NFU1: variants seen among roughly 807,000 people sequenced by gnomAD.
The protein encoded by NFU1 is NFU1 iron-sulfur cluster scaffold homolog, mitochondrial.
Under a neutral mutation model 32.2 loss-of-function variants are expected in NFU1, and 30 were observed. That is an observed-to-expected ratio of 0.93 (90% CI 0.70 to 1.26). NFU1 has a LOEUF of 1.26. Among genes scored for constraint, NFU1 ranks in the 50% most tolerant of loss-of-function variants. NFU1 has a pLI of 0.00. For missense variants in NFU1, 306 were observed against 306.6 expected (o/e 1.00, Z 0.02); for synonymous variants, 112 against 104.6 (o/e 1.07, Z -0.43).
chr2:69,425,604 C>A (rs1400220037), intron 2 of NFU1, among the ~76,000 whole-genome samples: 1 of 152,158 alleles, frequency 6.6e-6, no homozygotes, highest in African/African-American at 2.4e-5. Flanking sequence ...ATCCACCCAC[C>A]TCAGCCTCCC....
intron 2 of NFU1, chr2:69,429,900 G>T: frequency 4.8e-6 from 1 of 207,382 alleles, no homozygotes; most frequent in African/African-American, 2.4e-5. Flanking sequence ...GTGTTGGTAC[G>T]CACCTGTAGT....
At chr2:69,404,706 G>A (rs1309951173) in intron 6 of NFU1, among the ~76,000 whole-genome samples, 5 of 134,728 alleles carry the variant, frequency 3.7e-5, no homozygotes, top group African/African-American at 8.5e-5. Context: ...TGCAACCTCC[G>A]CCTCCAGGGT....
At chr2:69,404,901 T>C (rs1272676165) in intron 6 of NFU1, among the ~76,000 whole-genome samples, 1 of 151,154 alleles carries the variant, frequency 6.6e-6, no homozygotes, top group Non-Finnish European at 1.5e-5. Context: ...ATTACAAGCG[T>C]GAGCCACCAC....
intron 7 of NFU1, among the ~76,000 whole-genome samples, chr2:69,399,894 C>T (rs539749800): frequency 1.8e-4 from 26 of 147,978 alleles, no homozygotes; most frequent in Non-Finnish European, 2.7e-4. Flanking sequence ...TTTTTTTTGA[C>T]GGAGTTTCGC....
intron 5 of NFU1, among the ~76,000 whole-genome samples, chr2:69,407,674 C>CAAAAAAAAAAA (rs200321994): frequency 9.7e-6 from 1 of 103,112 alleles, no homozygotes; most frequent in Non-Finnish European, 1.9e-5. Flanking sequence ...GACTCTATCT[C>CAAAAAAAAAAA]AAAAAAAAAA....
intron 5 of NFU1, among the ~76,000 whole-genome samples, chr2:69,412,380 A>T (rs982776142): frequency 1.3e-4 from 20 of 151,644 alleles, no homozygotes; most frequent in African/African-American, 4.3e-4. Context: ...TTTATTTTTT[A>T]AAATTTTCAT....
upstream of NFU1, chr2:69,437,702 T>C (rs1673906620): frequency 1.8e-6 from 1 of 560,050 alleles, no homozygotes; most frequent in Admixed American, 3.0e-5. Flanking sequence ...TTTTCCCTGT[T>C]GGCTAGGTTT....
intron 6 of NFU1, among the ~76,000 whole-genome samples, chr2:69,404,655 C>T (rs182723294): frequency 1.4e-4 from 6 of 43,174 alleles, no homozygotes; most frequent in Admixed American, 2.5e-4. Context: ...GAGTTTTGCT[C>T]GTCGCCCAGG....
intron 5 of NFU1, among the ~76,000 whole-genome samples, chr2:69,412,731 G>A (rs2104765130): frequency 6.6e-6 from 1 of 151,564 alleles, no homozygotes; most frequent in Admixed American, 6.6e-5. Context: ...GGTGGCAGGA[G>A]CCTATAATCC....
At chr2:69,400,592 G>GA in intron 6 of NFU1, 54 bp from the exon 7 acceptor site, 7 of 1,531,342 alleles carry the variant, frequency 4.6e-6, no homozygotes, top group Non-Finnish European at 6.3e-6. Context: ...AGTTTTCATT[G>GA]AAAAAATTTA....
In NFU1 at chr2:69,436,942, G is replaced by A. The variant is rs57612204; in HGVS notation, c.62+419C>T. Among the ~76,000 whole-genome samples the A allele has an allele frequency of 5.8e-3, 887 of 152,316 alleles. 10 individuals are homozygous for A. The highest frequency in any genetic ancestry group is 0.019 in the African/African-American group (793 of 41,568). ...TTTCAGGGCCTTACTGGGAAAATGA[G>A]GAAACGAGACAAGGTATTTTCTTCC... On this transcript the variant is annotated intron_variant, in intron 1 of 7. Transcript: ENST00000410022.
At chr2:69,438,134 A>C (rs974382449), upstream of NFU1, among the ~76,000 whole-genome samples, 3 of 152,172 alleles carry the variant, frequency 2.0e-5, no homozygotes, top group African/African-American at 7.2e-5. Flanking sequence ...GCCAAAAAAA[A>C]GCAGGAGAAC....
chr2:69,398,572 T>C (rs1170588810), intron 7 of NFU1, among the ~76,000 whole-genome samples: 1 of 152,242 alleles, frequency 6.6e-6, no homozygotes, highest in Non-Finnish European at 1.5e-5. Context: ...TTATAGGCTA[T>C]TAGGCAAATA....
chr2:69,428,690 A>C (rs539213320), intron 2 of NFU1, among the ~76,000 whole-genome samples: 5 of 152,130 alleles, frequency 3.3e-5, no homozygotes, highest in Admixed American at 3.3e-4. Context: ...GCCAGGCATA[A>C]TAGGAAAATA....
Position 69,402,911 on chromosome 2 carries a change from GA to G in NFU1, c.546-2374del, listed in dbSNP as rs1320240182. Among the ~76,000 whole-genome samples, 94 of 142,962 alleles carry G rather than the reference GA, an allele frequency of 6.6e-4. No individual in the cohort carries two copies. In the Middle Eastern group the frequency reaches 0.011, roughly 17 times the overall value. The allele number at this position is 142,962 out of a possible 152,430, so 93.8% of individuals were successfully genotyped here. A position where few individuals can be genotyped will look rare whatever the true frequency, so the allele number is the denominator to read the frequency against. ...ATCTGATTTCTTGTGTCCCGTTGGGGAAAAAAAAAAAAATTGCCTACCCGAA... is the reference window on the plus strand; with the variant it reads ...ATCTGATTTCTTGTGTCCCGTTGGGGAAAAAAAAAAAATTGCCTACCCGAA... On this transcript the variant is annotated intron_variant, in intron 6 of 7. Coordinates refer to ENST00000410022, the MANE Select transcript of NFU1 (RefSeq NM_001002755.4).
rs1491220628 is a variant in NFU1 at position 69,424,199 on chromosome 2, A to AATATATATATG, written c.167-483_167-482insCATATATATAT. Among the ~76,000 whole-genome samples, 43 of 70,762 alleles carry AATATATATATG rather than the reference A, an allele frequency of 6.1e-4. 1 individual carries two copies. The highest frequency in any genetic ancestry group is 1.7e-3 in the African/African-American group (41 of 23,830). 46.4% of individuals were successfully genotyped at this position (70,762 alleles called of 152,430 possible). A position where few individuals can be genotyped will look rare whatever the true frequency, so the allele number is the denominator to read the frequency against. On this transcript the variant is annotated intron_variant, in intron 2 of 7. Coordinates refer to ENST00000410022, the MANE Select transcript of NFU1 (RefSeq NM_001002755.4). ...AAAAAAAAAAAAAAAAAAAAAAAAAATATATATATATATATATATATCTCA... is the reference window on the plus strand; with the variant it reads ...AAAAAAAAAAAAAAAAAAAAAAAAAAATATATATATGTATATATATATATATATATATCTCA...
At chr2:69,400,273 T>C in intron 7 of NFU1, 91 bp downstream of exon 7, 1 of 1,191,912 alleles carries the variant, frequency 8.4e-7, no homozygotes. Flanking sequence ...TCTTTTCAAA[T>C]ACTTGCCTTA....
In NFU1 at chr2:69,419,575, C is replaced by G. The variant is rs756434076; in HGVS notation, c.332G>C (p.Ser111Thr). The G allele has an allele frequency of 1.9e-6, 3 of 1,590,286 alleles. No homozygotes were observed. Among genetic ancestry groups the G allele is most frequent in the African/African-American group, 1.3e-5 (1 of 74,592 alleles). ...GATGAAATCTGGTCCAAAGAAGACA[C>G]TTTTTACTCCTTCAATCCTAAATAA... The part of the protein sequence containing the change: ...RQLFRIEGVK[S>T]VFFGPDFITV... The change falls in exon 4 of 8, where the codon AGT becomes ACT. Residue 111 changes from serine (S) to threonine (T), a missense_variant. Ser to Thr is a moderately conservative substitution (Grantham distance 58). Coordinates refer to ENST00000410022, the MANE Select transcript of NFU1 (RefSeq NM_001002755.4).
At chr2:69,433,215 T>A (rs142033559) in intron 1 of NFU1, among the ~76,000 whole-genome samples, 3,393 of 151,460 alleles carry the variant, frequency 0.022, 133 homozygotes, top group African/African-American at 0.077. Context: ...CTCACTGTTG[T>A]TGGCCCAGGC....
Sources: allele counts gnomAD v4.1 joint callset (sites outside exome capture counted in the v4.1 genomes callset), GRCh38; gene constraint gnomAD v4.1.1; transcripts MANE v1.5; gene names NCBI Gene and HGNC (gene_info 2026-07-23, HGNC 2026-07-21).